ARID4B: variants seen among roughly 807,000 people sequenced by gnomAD.
ARID4B encodes the protein AT-rich interactive domain-containing protein 4B.
In ARID4B, 26 loss-of-function variants were observed where a neutral mutation model predicts 147.5. The ratio of observed to expected loss-of-function variants is 0.18; its 90% CI spans 0.13 to 0.24. The LOEUF is 0.24. Among genes scored for constraint, ARID4B ranks in the 10% least tolerant of loss-of-function variants. The pLI is 1.00. For missense variants in ARID4B, 1,179 were observed against 1,511.5 expected, an observed-to-expected ratio of 0.78 and a Z score of 3.65; for synonymous variants, 512 against 507.9, an observed-to-expected ratio of 1.01 and a Z score of -0.11.
intron 19 of ARID4B, chr1:235,187,024 G>GTTCTTTTCTTTTTCACTGCATCTTA (rs771166999): frequency 5.9e-6 from 2 of 339,564 alleles, no homozygotes; most frequent in Non-Finnish European, 1.1e-5. Context: ...AGTCTTTCTT[G>GTTCTTTTCTTTTTCACTGCATCTTA]TTCTTTTCTT....
intron 2 of ARID4B, among the ~76,000 whole-genome samples, chr1:235,323,768 G>C (rs111902062): frequency 0.015 from 2,229 of 150,538 alleles, 44 homozygotes; most frequent in African/African-American, 0.044. Flanking sequence ...TGGGCAACAA[G>C]AGCAAAAGTC....
At chr1:235,197,559 A>G (rs1394818640) in intron 17 of ARID4B, among the ~76,000 whole-genome samples, 2 of 152,214 alleles carry the variant, frequency 1.3e-5, no homozygotes, top group African/African-American at 4.8e-5. Context: ...GAGGGCCGTA[A>G]TAAGAATAAG....
chr1:235,269,105 TA>T lies in ARID4B; in HGVS notation c.7-8354del, dbSNP rs1395366871. On this transcript the variant is annotated intron_variant, in intron 2 of 23. Coordinates refer to ENST00000264183, the MANE Select transcript of ARID4B (RefSeq NM_016374.6). Reference sequence around the variant, plus strand: ...ACAGTAAATTAATTATATCTCACTTTAAAAAGTTGGTAACAAATTACAATGC... The same window carrying T: ...ACAGTAAATTAATTATATCTCACTTTAAAAGTTGGTAACAAATTACAATGC... Among the ~76,000 whole-genome samples the T allele has an allele frequency of 3.3e-5, 5 of 152,220 alleles. No homozygotes were observed. In the East Asian group the frequency reaches 9.6e-4, roughly 29 times the overall value.
intron 2 of ARID4B, among the ~76,000 whole-genome samples, chr1:235,297,661 T>A (rs1672837621): frequency 1.3e-5 from 2 of 152,034 alleles, no homozygotes; most frequent in South Asian, 4.2e-4. Context: ...TGAACCAACC[T>A]CATGATGGTA....
intron 17 of ARID4B, among the ~76,000 whole-genome samples, chr1:235,205,499 A>G (rs1379533513): frequency 6.6e-6 from 1 of 152,218 alleles, no homozygotes; most frequent in Non-Finnish European, 1.5e-5. Context: ...TGTAAACATT[A>G]CAGCTAAAAC....
chr1:235,206,915 G>A (rs1280363779), intron 17 of ARID4B, among the ~76,000 whole-genome samples: 1 of 152,234 alleles, frequency 6.6e-6, no homozygotes, highest in Admixed American at 6.5e-5. Flanking sequence ...TCAGGCTCCA[G>A]AAAAGATTTT....
chr1:235,213,666 A>C (rs1347203281), intron 17 of ARID4B, 103 bp downstream of exon 17: 2 of 1,293,688 alleles, frequency 1.5e-6, no homozygotes, highest in African/African-American at 3.0e-5. Context: ...TATGACCTCA[A>C]TTAGAATACT....
chr1:235,221,749 T>C (rs1376306192), intron 13 of ARID4B, 87 bp from the exon 14 acceptor site: 1 of 568,608 alleles, frequency 1.8e-6, no homozygotes, highest in African/African-American at 1.9e-5. Context: ...ATGAGTATAT[T>C]TTTATATTTA....
At chr1:235,319,706 T>C (rs984157938) in intron 2 of ARID4B, among the ~76,000 whole-genome samples, 3 of 152,098 alleles carry the variant, frequency 2.0e-5, no homozygotes, top group Non-Finnish European at 4.4e-5. Flanking sequence ...AAAAAGACTT[T>C]TTTAAAAAAA....
At chr1:235,276,190 CAAAAAAA>C (rs1190767913) in intron 2 of ARID4B, among the ~76,000 whole-genome samples, 1 of 56,040 alleles carries the variant, frequency 1.8e-5, no homozygotes, top group South Asian at 6.4e-4. Context: ...ACATACGAAG[CAAAAAAA>C]AAAAAAAAAA....
rs778825413 is a variant in ARID4B, at chr1:235,214,034, G to A, written c.1584-8C>T. 66 of 1,593,914 alleles carry A rather than the reference G, an allele frequency of 4.1e-5. No individual in the cohort carries two copies. Among genetic ancestry groups the A allele is most frequent in the Non-Finnish European group, 5.6e-5 (66 of 1,168,992 alleles). ...TCTTTATTCGTTTCATCTCTTGAAA[G>A]GTTTAAAAAATTGCAGAGTTAATAA... On this transcript the variant is annotated splice_region_variant and splice_polypyrimidine_tract_variant and intron_variant, in intron 16 of 23. Transcript: ENST00000264183.
At position 235,280,487 on chromosome 1, in the gene ARID4B, G is replaced by A. The variant is rs77038320; in HGVS notation, c.7-19735C>T. Among the ~76,000 whole-genome samples the A allele has an allele frequency of 2.2e-4, 34 of 152,358 alleles. 1 individual carries two copies. In the East Asian group the frequency reaches 6.0e-3, roughly 27 times the overall value. Reference sequence around the variant, plus strand: ...GGAAGCATCGCAAAGAAATAGTCATGATCTCCCACAACTCAGGTCCTGAGC... The same window carrying A: ...GGAAGCATCGCAAAGAAATAGTCATAATCTCCCACAACTCAGGTCCTGAGC... On this transcript the variant is annotated intron_variant, in intron 2 of 23. Transcript: ENST00000264183.
intron 5 of ARID4B, among the ~76,000 whole-genome samples, chr1:235,253,823 A>T (rs1255883856): frequency 6.6e-6 from 1 of 152,130 alleles, no homozygotes. Flanking sequence ...TCTATTTTAG[A>T]AATTACATTT....
chr1:235,175,629 T>C, intron 21 of ARID4B: 1 of 491,578 alleles, frequency 2.0e-6, no homozygotes. Flanking sequence ...TCACTCACAC[T>C]AATCTATCAT....
Position 235,261,937 on chromosome 1 carries a change from T to C in ARID4B, c.7-1185A>G, listed in dbSNP as rs573908462. On this transcript the variant is annotated intron_variant, in intron 2 of 23. Coordinates refer to ENST00000264183, the MANE Select transcript of ARID4B (RefSeq NM_016374.6). Reference sequence around the variant, plus strand: ...CAGGAGTTGGGGGAAATTCACTATATTGAATGAATTACTTCTCTGCCTCAA... The same window carrying C: ...CAGGAGTTGGGGGAAATTCACTATACTGAATGAATTACTTCTCTGCCTCAA... 9.8e-5 allele frequency among the ~76,000 whole-genome samples: 15 copies of C among 152,314 alleles called. No individual in the cohort carries two copies. The South Asian group carries it at 2.9e-3, about 29-fold the overall frequency.
At chr1:235,326,841 G>A in intron 2 of ARID4B, 73 bp downstream of exon 2, 2 of 1,581,952 alleles carry the variant, frequency 1.3e-6, no homozygotes, top group South Asian at 1.1e-5. Flanking sequence ...AGCCCCACAC[G>A]ACGACCTCGT....
intron 17 of ARID4B, among the ~76,000 whole-genome samples, chr1:235,196,658 CAA>C (rs1368267122): frequency 4.6e-5 from 7 of 151,950 alleles, no homozygotes; most frequent in Admixed American, 1.3e-4. Context: ...TCAAGACCAT[CAA>C]CGCTAACACG....
intron 2 of ARID4B, among the ~76,000 whole-genome samples, chr1:235,307,379 C>G (rs1323761357): frequency 6.6e-6 from 1 of 152,118 alleles, no homozygotes; most frequent in African/African-American, 2.4e-5. Context: ...CAGGAGTTCA[C>G]GGCTACAGTG....
intron 2 of ARID4B, among the ~76,000 whole-genome samples, chr1:235,309,842 G>C (rs369350371): frequency 1.3e-5 from 2 of 152,246 alleles, no homozygotes; most frequent in East Asian, 3.9e-4. Flanking sequence ...AAAATTCTTC[G>C]GCCTTGGGAT....
Sources: gnomAD v4.1 joint callset for allele counts (sites outside exome capture counted in the v4.1 genomes callset) on GRCh38, gnomAD v4.1.1 for gene constraint, MANE v1.5 for transcripts, NCBI Gene and HGNC (gene_info 2026-07-23, HGNC 2026-07-21) for gene names.